Variants in AGBL4 observed in about 807,000 individuals in gnomAD.
The protein encoded by AGBL4 is AGBL carboxypeptidase 4.
AGBL4 carries 58 observed loss-of-function variants against 66.4 expected under a neutral mutation model. That is an observed-to-expected ratio of 0.87 (90% CI 0.71 to 1.09). The LOEUF is 1.09. Among genes scored for constraint, AGBL4 ranks in the 50% least tolerant of loss-of-function variants. The pLI is 0.00. For synonymous variants in AGBL4, 234 were observed against 222.9 expected (o/e 1.05, Z -0.44); for missense variants, 579 against 631.0 (o/e 0.92, Z 0.88).
chr1:49,125,675 C>T (rs1645750552), intron 4 of AGBL4, among the ~76,000 whole-genome samples: 1 of 152,130 alleles, frequency 6.6e-6, no homozygotes, highest in South Asian at 2.1e-4. Context: ...ACACTTTCCC[C>T]TACCCATTTA....
intron 3 of AGBL4, among the ~76,000 whole-genome samples, chr1:49,465,267 A>G (rs929319990): frequency 2.7e-5 from 4 of 147,196 alleles, no homozygotes; most frequent in Non-Finnish European, 6.0e-5. Context: ...ACACACGCAG[A>G]CATGTCAGCT....
intron 2 of AGBL4, among the ~76,000 whole-genome samples, chr1:49,839,980 T>C (rs567431434): frequency 1.1e-4 from 16 of 152,118 alleles, no homozygotes; most frequent in Non-Finnish European, 1.8e-4. Context: ...AAGACAGAGC[T>C]GTGATAAAGG....
intron 6 of AGBL4, among the ~76,000 whole-genome samples, chr1:48,775,320 A>T (rs1645024743): frequency 6.6e-6 from 1 of 152,174 alleles, no homozygotes; most frequent in Non-Finnish European, 1.5e-5. Context: ...TTTCAGAGGC[A>T]ACATGAGTTG....
intron 4 of AGBL4, among the ~76,000 whole-genome samples, chr1:49,223,628 T>C (rs1649668118): frequency 6.6e-6 from 1 of 152,162 alleles, no homozygotes; most frequent in South Asian, 2.1e-4. Context: ...AGCAGACTGT[T>C]AAGTTGGGTA....
rs768941503 is a variant in AGBL4, at chr1:49,045,569, T to C, written c.594+15A>G. ...TGTTTCCAAATGAGTAACCCAAACC[T>C]GGCACAGGCCTTACCACACTCTGGC... On this transcript the variant is annotated intron_variant, in intron 5 of 13. Transcript: ENST00000371839. The C allele has an allele frequency of 2.5e-6, 4 of 1,600,338 alleles. No homozygotes were observed. The East Asian group carries it at 9.0e-5, about 36-fold the overall frequency.
At chr1:49,719,712 G>T (rs191099278) in intron 2 of AGBL4, among the ~76,000 whole-genome samples, 9 of 152,156 alleles carry the variant, frequency 5.9e-5, no homozygotes, top group Non-Finnish European at 2.9e-5. Flanking sequence ...ATCTTATCTT[G>T]AATTGTAGTT....
chr1:48,819,812 A>G (rs900554029), intron 6 of AGBL4, among the ~76,000 whole-genome samples: 5 of 152,182 alleles, frequency 3.3e-5, no homozygotes, highest in African/African-American at 1.2e-4. Context: ...TGTTCTTGCC[A>G]ATAGGTGGTC....
intron 6 of AGBL4, among the ~76,000 whole-genome samples, chr1:48,829,192 G>T (rs182447218): frequency 6.6e-6 from 1 of 152,288 alleles, no homozygotes; most frequent in East Asian, 1.9e-4. Flanking sequence ...GAGCTTGGTG[G>T]ACCATCATAA....
chr1:49,590,595 T>C (rs1291210726), intron 3 of AGBL4, among the ~76,000 whole-genome samples: 1 of 151,984 alleles, frequency 6.6e-6, no homozygotes, highest in Non-Finnish European at 1.5e-5. Context: ...AAGTTTTACG[T>C]AAGAGAGCGT....
chr1:49,212,268 C>A (rs1424689013), intron 4 of AGBL4, among the ~76,000 whole-genome samples: 1 of 152,052 alleles, frequency 6.6e-6, no homozygotes, highest in Non-Finnish European at 1.5e-5. Flanking sequence ...AAGAGGATGA[C>A]AATTAGTACC....
chr1:49,251,141 G>A (rs1557767595), intron 3 of AGBL4, among the ~76,000 whole-genome samples: 1 of 152,118 alleles, frequency 6.6e-6, no homozygotes, highest in African/African-American at 2.4e-5. Flanking sequence ...TGGGTTCCCT[G>A]GGGCCCCAAA....
At chr1:48,982,900 T>G (rs376647479) in intron 5 of AGBL4, among the ~76,000 whole-genome samples, 14 of 152,160 alleles carry the variant, frequency 9.2e-5, no homozygotes, top group East Asian at 7.7e-4. Context: ...CATTCTAACT[T>G]GTGTGAGATG....
intron 9 of AGBL4, among the ~76,000 whole-genome samples, chr1:48,631,209 G>A (rs1419248806): frequency 1.3e-5 from 2 of 152,164 alleles, no homozygotes; most frequent in Non-Finnish European, 2.9e-5. Flanking sequence ...GACTATGTAT[G>A]TGACACTGAA....
At chr1:48,664,454 G>A (rs1001537861) in intron 6 of AGBL4, among the ~76,000 whole-genome samples, 2 of 152,112 alleles carry the variant, frequency 1.3e-5, no homozygotes, top group African/African-American at 4.8e-5. Context: ...TTAGTGGTAG[G>A]GAAAAACTAC....
intron 3 of AGBL4, among the ~76,000 whole-genome samples, chr1:49,343,971 A>T (rs572838533): frequency 3.3e-5 from 5 of 152,344 alleles, no homozygotes; most frequent in African/African-American, 1.2e-4. Context: ...GGCAGGTCAG[A>T]TACTGTCTTT....
chr1:48,996,516 A>G (rs931638429), intron 5 of AGBL4, among the ~76,000 whole-genome samples: 7 of 152,180 alleles, frequency 4.6e-5, no homozygotes, highest in African/African-American at 1.4e-4. Context: ...CCTAAAGAAG[A>G]AAGTATTTCA....
intron 3 of AGBL4, among the ~76,000 whole-genome samples, chr1:49,276,999 T>G (rs1234622678): frequency 6.6e-6 from 1 of 152,080 alleles, no homozygotes; most frequent in African/African-American, 2.4e-5. Flanking sequence ...GGATATACTA[T>G]TTAATGTTTC....
At chr1:48,562,294 A>G (rs907935410) in intron 11 of AGBL4, among the ~76,000 whole-genome samples, 12 of 152,242 alleles carry the variant, frequency 7.9e-5, no homozygotes, top group Non-Finnish European at 1.8e-4. Context: ...CATGGAGCTA[A>G]CAGGACCCTT....
intron 4 of AGBL4, among the ~76,000 whole-genome samples, chr1:49,095,423 GA>G (rs1370874596): frequency 1.3e-5 from 2 of 152,186 alleles, no homozygotes; most frequent in Non-Finnish European, 2.9e-5. Context: ...CACGCTACGT[GA>G]CTTCAAACTA....
Sources: gnomAD v4.1 joint callset for allele counts (sites outside exome capture counted in the v4.1 genomes callset) on GRCh38, gnomAD v4.1.1 for gene constraint, MANE v1.5 for transcripts, NCBI Gene and HGNC (gene_info 2026-07-23, HGNC 2026-07-21) for gene names.